Variants in KIF26B observed in about 807,000 individuals in gnomAD.
The protein encoded by KIF26B is kinesin-like protein KIF26B.
KIF26B carries 63 observed loss-of-function variants against 151.2 expected under a neutral mutation model. The observed-to-expected ratio is 0.42, with a 90% CI of 0.34 to 0.51. The LOEUF (loss-of-function observed/expected upper bound fraction) is 0.51. Among genes scored for constraint, KIF26B ranks in the 20% least tolerant of loss-of-function variants. The pLI is 0.07. For missense variants in KIF26B, 2,813 were observed against 2,913.6 expected (o/e 0.97, Z 0.79); for synonymous variants, 1,357 against 1,262.1 (o/e 1.08, Z -1.59).
At chr1:245,445,935 G>A (rs1384427451) in intron 4 of KIF26B, among the ~76,000 whole-genome samples, 2 of 152,162 alleles carry the variant, frequency 1.3e-5, no homozygotes, top group Non-Finnish European at 2.9e-5. Flanking sequence ...GTGTTCATTT[G>A]AGTGGCATCA....
At chr1:245,328,415 T>G (rs1341320345) in intron 2 of KIF26B, among the ~76,000 whole-genome samples, 1 of 152,232 alleles carries the variant, frequency 6.6e-6, no homozygotes, top group African/African-American at 2.4e-5. Context: ...AATTTCACCT[T>G]GTAAGACTTT....
At position 245,166,510 on chromosome 1, in the gene KIF26B, T is replaced by A. The variant is rs182826597; in HGVS notation, c.465+9827T>A. Among the ~76,000 whole-genome samples the A allele has an allele frequency of 1.8e-3, 276 of 152,328 alleles. 1 individual carries two copies. The highest frequency in any genetic ancestry group is 6.1e-3 in the African/African-American group (253 of 41,574). On this transcript the variant is annotated intron_variant, in intron 2 of 14. Transcript: ENST00000407071. The surrounding 1 kb of genome is among the most constrained non-coding windows in gnomAD (Gnocchi z 4.5). ...GCCATGAATATGGATTGAGAGTTTT[T>A]TGTCACAGATGGAAATCCCTTCTTT...
intron 4 of KIF26B, among the ~76,000 whole-genome samples, chr1:245,485,743 T>C (rs756914121): frequency 6.6e-6 from 1 of 152,178 alleles, no homozygotes; most frequent in African/African-American, 2.4e-5. Flanking sequence ...CTTCTGCTTC[T>C]TATAAACTGG....
At chr1:245,471,869 G>A (rs1659923065) in intron 4 of KIF26B, among the ~76,000 whole-genome samples, 1 of 151,150 alleles carries the variant, frequency 6.6e-6, no homozygotes, top group South Asian at 2.1e-4. Context: ...TCGGCTCACT[G>A]CAACCTCCAC....
intron 3 of KIF26B, among the ~76,000 whole-genome samples, chr1:245,411,983 G>C (rs1674298485): frequency 6.6e-6 from 1 of 152,152 alleles, no homozygotes; most frequent in Admixed American, 6.5e-5. Context: ...ATCCGGGCGT[G>C]CATTGTTTGA....
chr1:245,491,509 A>C (rs2103074134), intron 4 of KIF26B, among the ~76,000 whole-genome samples: 1 of 152,256 alleles, frequency 6.6e-6, no homozygotes, highest in South Asian at 2.1e-4. Flanking sequence ...CATAAAGTAA[A>C]CCTTGGGGAA....
chr1:245,283,336 A>G (rs1671099731), intron 2 of KIF26B, among the ~76,000 whole-genome samples: 1 of 151,902 alleles, frequency 6.6e-6, no homozygotes, highest in Admixed American at 6.6e-5. Context: ...CAATCCGCCC[A>G]AGCCCCGACT....
intron 10 of KIF26B, among the ~76,000 whole-genome samples, chr1:245,662,346 CTATA>C (rs199768176): frequency 6.9e-6 from 1 of 145,972 alleles, no homozygotes; most frequent in African/African-American, 2.5e-5. Context: ...CACACACACC[CTATA>C]TATATATACA....
At chr1:245,522,736 G>A (rs1392453347) in intron 4 of KIF26B, among the ~76,000 whole-genome samples, 2 of 152,288 alleles carry the variant, frequency 1.3e-5, no homozygotes, top group East Asian at 3.9e-4. Flanking sequence ...AGGATGTCCA[G>A]GACCTGAAAC....
At chr1:245,640,159 A>ATATATATATATATATATATATATATATG (rs1168172493) in intron 9 of KIF26B, among the ~76,000 whole-genome samples, 16 of 34,362 alleles carry the variant, frequency 4.7e-4, no homozygotes, top group Middle Eastern at 0.013. Flanking sequence ...ATATATATAT[A>ATATATATATATATATATATATATATATG]TACCCTGCTA....
intron 3 of KIF26B, among the ~76,000 whole-genome samples, chr1:245,411,207 C>T (rs1052670157): frequency 6.6e-6 from 1 of 152,196 alleles, no homozygotes; most frequent in Non-Finnish European, 1.5e-5. Context: ...GTAGGCCTGA[C>T]CCTGCCAGGG....
intron 2 of KIF26B, among the ~76,000 whole-genome samples, chr1:245,277,173 T>C (rs1670954954): frequency 6.6e-6 from 1 of 152,196 alleles, no homozygotes; most frequent in African/African-American, 2.4e-5. Context: ...GATTTTGGAC[T>C]TTTGGCCTCT....
At chr1:245,522,151 G>C (rs533763215) in intron 4 of KIF26B, among the ~76,000 whole-genome samples, 2 of 152,114 alleles carry the variant, frequency 1.3e-5, no homozygotes, top group Non-Finnish European at 2.9e-5. Flanking sequence ...TTACAGGTGT[G>C]AGCCACCGCG....
At position 245,287,500 on chromosome 1, in the gene KIF26B, T is replaced by C. The variant is rs1221472232; in HGVS notation, c.466-79334T>C. On this transcript the variant is annotated intron_variant, in intron 2 of 14. Coordinates refer to ENST00000407071, the MANE Select transcript of KIF26B (RefSeq NM_018012.4). Reference sequence around the variant, plus strand: ...CTGTGTGTCTCATCTCTCTCTCTCTTTTTTTTTTTTTTTTTTTCCTGTGGC... The same window carrying C: ...CTGTGTGTCTCATCTCTCTCTCTCTCTTTTTTTTTTTTTTTTTCCTGTGGC... Among the ~76,000 whole-genome samples the C allele has an allele frequency of 7.5e-4, 104 of 139,280 alleles. 1 individual carries two copies. The highest frequency in any genetic ancestry group is 1.0e-3 in the Non-Finnish European group (67 of 65,782). The allele number at this position is 139,280 out of a possible 152,430, so 91.4% of individuals were successfully genotyped here.
At chr1:245,202,631 G>T (rs1669320537) in intron 2 of KIF26B, among the ~76,000 whole-genome samples, 1 of 151,966 alleles carries the variant, frequency 6.6e-6, no homozygotes, top group Admixed American at 6.6e-5. Context: ...GTGGTGGCGG[G>T]CGCCTGTAGT....
In KIF26B at chr1:245,687,714, G is replaced by A. The variant is rs1178763347; in HGVS notation, c.4731G>A (p.Leu1577=). 6.3e-7 allele frequency: 1 copy of A among 1,581,094 alleles called. No homozygotes were observed. Among genetic ancestry groups the A allele is most frequent in the Non-Finnish European group, 8.6e-7 (1 of 1,163,950 alleles). ...GCACCCCGCCCTCCAAGGCTACCCT[G>A]GAGGGGAAGGTGGCTTCCCCCAAGC... The part of the protein sequence containing the change: ...ASGTPPSKAT[L]EGKVASPKHC... Residue 1577 remains leucine, a synonymous_variant, in exon 12 of 15, where the codon CTG becomes CTA. Transcript: ENST00000407071. The surrounding 1 kb of genome is among the most constrained non-coding windows in gnomAD (Gnocchi z 4.9).
chr1:245,521,133 C>T (rs1011959244), intron 4 of KIF26B, among the ~76,000 whole-genome samples: 6 of 152,070 alleles, frequency 3.9e-5, no homozygotes, highest in African/African-American at 9.7e-5. Flanking sequence ...GTCAGGAGAT[C>T]AAGACCATCC....
intron 4 of KIF26B, among the ~76,000 whole-genome samples, chr1:245,454,349 G>A (rs1216473194): frequency 6.6e-6 from 1 of 152,136 alleles, no homozygotes; most frequent in African/African-American, 2.4e-5. Flanking sequence ...GAGCATCCAG[G>A]GAGGTAAATG....
At chr1:245,333,280 G>A (rs988488566) in intron 2 of KIF26B, among the ~76,000 whole-genome samples, 4 of 152,132 alleles carry the variant, frequency 2.6e-5, no homozygotes, top group Non-Finnish European at 5.9e-5. Context: ...AATGAAATTC[G>A]GACACACGCT....
Sources: gnomAD v4.1 joint callset for allele counts (sites outside exome capture counted in the v4.1 genomes callset) on GRCh38, gnomAD v4.1.1 for gene constraint, Gnocchi (gnomAD v3.1) non-coding constraint, MANE v1.5 for transcripts, NCBI Gene and HGNC (gene_info 2026-07-23, HGNC 2026-07-21) for gene names.